EFCC1: variants seen among roughly 807,000 people sequenced by gnomAD.
The protein encoded by EFCC1 is EF-hand and coiled-coil domain-containing protein 1.
Under a neutral mutation model 52.1 loss-of-function variants are expected in EFCC1, and 50 were observed. That is an observed-to-expected ratio of 0.96 (90% CI 0.76 to 1.21). The LOEUF is 1.21. Ranked by LOEUF, EFCC1 falls within the 50% of genes most tolerant of loss-of-function variation. The probability of loss-of-function intolerance (pLI) is 0.00; values close to 1 mark genes in which losing one functional copy is unlikely to be tolerated. For synonymous variants in EFCC1, 399 were observed against 396.5 expected, an observed-to-expected ratio of 1.01 and a Z score of -0.08; for missense variants, 837 against 867.3, an observed-to-expected ratio of 0.97 and a Z score of 0.44.
intron 1 of EFCC1, chr3:129,003,257 C>A: frequency 2.0e-6 from 2 of 985,380 alleles, no homozygotes; most frequent in Non-Finnish European, 2.4e-6. Flanking sequence ...ATGGGATGCG[C>A]CTGAACGGTC....
chr3:129,039,615 G>A, intron 7 of EFCC1, 97 bp from the exon 8 acceptor site: 1 of 1,503,116 alleles, frequency 6.7e-7, no homozygotes, highest in Non-Finnish European at 8.9e-7. Flanking sequence ...GGGCACAGCG[G>A]GTAAGAGTGG....
At chr3:129,029,402 A>G (rs949965783) in intron 2 of EFCC1, among the ~76,000 whole-genome samples, 2 of 152,140 alleles carry the variant, frequency 1.3e-5, no homozygotes, top group African/African-American at 4.8e-5. Flanking sequence ...GAGAAGGGAG[A>G]TGTTTCAATT....
rs1944804878 is a variant in EFCC1, at chr3:129,002,104, C to T, written c.476C>T (p.Pro159Leu). 6.0e-6 allele frequency: 9 copies of T among 1,490,144 alleles called. No homozygotes were observed. The highest frequency in any genetic ancestry group is 8.0e-6 in the Non-Finnish European group (9 of 1,124,204). The allele number at this position is 1,490,144 out of a possible 1,614,324, so 92.3% of individuals were successfully genotyped here. Reference sequence around the variant, plus strand: ...GGCTACTTCGGCACCCGTGCGGGGCCCCGGCTGCCCCGCGGCGCTCTCAGC... The same window carrying T: ...GGCTACTTCGGCACCCGTGCGGGGCTCCGGCTGCCCCGCGGCGCTCTCAGC... ...LCGYFGTRAG[P>L]RLPRGALSEH... The change falls in exon 1 of 8, where the codon CCC (proline) becomes CTC (leucine). Residue 159 changes from proline (P) to leucine (L), a missense_variant. Physicochemically the swap from Pro to Leu is moderately conservative, Grantham distance 98. Transcript: ENST00000683648.
intron 2 of EFCC1, among the ~76,000 whole-genome samples, chr3:129,017,217 C>T (rs374132467): frequency 6.6e-6 from 1 of 152,338 alleles, no homozygotes; most frequent in East Asian, 1.9e-4. Context: ...TTCGTGAAGG[C>T]GGCTTCATGA....
At chr3:129,039,250 A>G (rs757688316) in intron 7 of EFCC1, among the ~76,000 whole-genome samples, 3 of 152,238 alleles carry the variant, frequency 2.0e-5, no homozygotes, top group African/African-American at 4.8e-5. Flanking sequence ...ACTGAGGCAC[A>G]GGGGTCAAGT....
intron 2 of EFCC1, among the ~76,000 whole-genome samples, chr3:129,020,505 C>T (rs1294731611): frequency 2.6e-5 from 4 of 152,120 alleles, no homozygotes; most frequent in Non-Finnish European, 5.9e-5. Context: ...AGCATGGTGG[C>T]CTGCACCTGT....
rs1299097117 is a variant in EFCC1, at chr3:129,003,921, G to C, written c.824G>C (p.Arg275Pro). 7.3e-7 allele frequency: 1 copy of C among 1,367,812 alleles called. No homozygotes were observed. Among genetic ancestry groups the C allele is most frequent in the Non-Finnish European group, 9.4e-7 (1 of 1,064,832 alleles). 84.7% of individuals were successfully genotyped at this position (1,367,812 alleles called of 1,614,324 possible). Reference protein sequence around the residue: ...AAAEARAGRLRRGQAEVRRRA... With the variant: ...AAAEARAGRLPRGQAEVRRRA... ...GCGGAGGCCCGCGCTGGGCGGCTGC[G>C]CCGTGGCCAGGCCGAGGTGCGGCGG... is the stretch of plus-strand genomic sequence containing the variant. The change falls in exon 2 of 8, where the codon CGC becomes CCC. Residue 275 changes from arginine to proline, a missense_variant. By Grantham distance (103) the Arg-to-Pro change is moderately radical. Transcript: ENST00000683648.
rs542211747 is a variant in EFCC1 at position 129,036,576 on chromosome 3, G to A, written c.1453-401G>A. On this transcript the variant is annotated intron_variant, in intron 5 of 7. Transcript: ENST00000683648. ...GGGATGGCTGGAGAGGGTCTTTCTCGGCTGTGGCTCTTGGATAAGAGGCTT... is the reference window on the plus strand; with the variant it reads ...GGGATGGCTGGAGAGGGTCTTTCTCAGCTGTGGCTCTTGGATAAGAGGCTT... Among the ~76,000 whole-genome samples, 130 of 152,322 alleles carry A rather than the reference G, an allele frequency of 8.5e-4. 1 individual carries two copies. Among genetic ancestry groups the A allele is most frequent in the African/African-American group, 2.8e-3 (118 of 41,576 alleles).
chr3:129,019,677 G>A (rs959272429), intron 2 of EFCC1, among the ~76,000 whole-genome samples: 33 of 151,956 alleles, frequency 2.2e-4, no homozygotes, highest in Non-Finnish European at 2.9e-5. Context: ...TGGTAGCTGT[G>A]AGCCACAGGT....
intron 2 of EFCC1, among the ~76,000 whole-genome samples, chr3:129,004,535 C>A (rs1304504530): frequency 1.3e-5 from 2 of 150,166 alleles, no homozygotes; most frequent in African/African-American, 2.5e-5. Flanking sequence ...TCCATCCCCC[C>A]ACCCACCCAG....
Position 129,002,068 on chromosome 3 carries a change from C to A in EFCC1, c.440C>A (p.Ala147Glu). The A allele has an allele frequency of 6.5e-7, 1 of 1,537,584 alleles. No homozygotes were observed. The highest frequency in any genetic ancestry group is 2.5e-5 in the East Asian group (1 of 39,670). Residue 147 changes from alanine (A) to glutamate (E), a missense_variant, in exon 1 of 8, where the codon GCG becomes GAG. Coordinates refer to ENST00000683648, the MANE Select transcript of EFCC1 (RefSeq NM_001377500.1). ...GAGCTCACCTTCCGCCAGTTCCACG[C>A]GCGCCTCTGTGGCTACTTCGGCACC... ...PPELTFRQFH[A>E]RLCGYFGTRA...
chr3:129,023,634 C>T (rs570251398), intron 2 of EFCC1, among the ~76,000 whole-genome samples: 7 of 152,288 alleles, frequency 4.6e-5, no homozygotes, highest in African/African-American at 1.7e-4. Flanking sequence ...GCCTGGCCAC[C>T]TCTTGATTCT....
chr3:129,005,795 C>T (rs1434667317), intron 2 of EFCC1, among the ~76,000 whole-genome samples: 2 of 152,276 alleles, frequency 1.3e-5, no homozygotes, highest in Non-Finnish European at 2.9e-5. Flanking sequence ...CTGGGCCAGC[C>T]TCCTGCAGCA....
chr3:129,022,196 A>G (rs148926361), intron 2 of EFCC1, among the ~76,000 whole-genome samples: 2,025 of 152,286 alleles, frequency 0.013, 45 homozygotes, highest in African/African-American at 0.046. Context: ...GTTTAGAAGG[A>G]CCATGTCATT....
At chr3:129,023,562 G>A (rs1248419444) in intron 2 of EFCC1, among the ~76,000 whole-genome samples, 1 of 152,106 alleles carries the variant, frequency 6.6e-6, no homozygotes, top group African/African-American at 2.4e-5. Flanking sequence ...TCGACCTCCT[G>A]ACCTCATGAT....
Position 129,002,174 on chromosome 3 carries a change from C to G in EFCC1, c.546C>G (p.Arg182=). ...TCCGCCTGCGCCGTCCGCGCCGCCG[C>G]CGCCGCCCGCCCTGCGCGCCTGGCC... ...TQIRLRRPRR[R]RRPPCAPGPD... The change falls in exon 1 of 8, where the codon CGC becomes CGG. Residue 182 remains arginine, a synonymous_variant. Transcript: ENST00000683648. The G allele has an allele frequency of 6.8e-7, 1 of 1,479,046 alleles. No homozygotes were observed. The highest frequency in any genetic ancestry group is 1.3e-5 in the South Asian group (1 of 75,586). 91.6% of individuals were successfully genotyped at this position (1,479,046 alleles called of 1,614,324 possible).
chr3:129,016,812 CTT>C (rs1347082474), intron 2 of EFCC1, among the ~76,000 whole-genome samples: 1 of 152,170 alleles, frequency 6.6e-6, no homozygotes, highest in Non-Finnish European at 1.5e-5. Context: ...GCACTAAGGA[CTT>C]TATCTGTACA....
chr3:129,004,542 C>A (rs1944985564), intron 2 of EFCC1, among the ~76,000 whole-genome samples: 1 of 150,258 alleles, frequency 6.7e-6, no homozygotes, highest in Non-Finnish European at 1.5e-5. Flanking sequence ...CCCCACCCAC[C>A]CAGCCAGCCA....
intron 5 of EFCC1, among the ~76,000 whole-genome samples, chr3:129,036,386 G>T (rs1433027749): frequency 2.6e-5 from 4 of 152,218 alleles, no homozygotes; most frequent in African/African-American, 7.2e-5. Flanking sequence ...TGCCTGGCAT[G>T]CCTGCTTTAG....
Sources: allele counts gnomAD v4.1 joint callset (sites outside exome capture counted in the v4.1 genomes callset), GRCh38; gene constraint gnomAD v4.1.1; transcripts MANE v1.5; gene names NCBI Gene and HGNC (gene_info 2026-07-23, HGNC 2026-07-21).